The following DLG2 variants were observed in gnomAD, a reference collection of about 807,000 sequenced individuals.
DLG2 encodes the protein discs large MAGUK scaffold protein 2.
DLG2 carries 45 observed loss-of-function variants against 132.5 expected under a neutral mutation model. The observed-to-expected ratio is 0.34, with a 90% CI of 0.27 to 0.44. The LOEUF (loss-of-function observed/expected upper bound fraction) is 0.44. Among genes scored for constraint, DLG2 ranks in the 20% least tolerant of loss-of-function variants. The probability of loss-of-function intolerance (pLI) is 1.00; values close to 1 mark genes in which losing one functional copy is unlikely to be tolerated. For missense variants in DLG2, 1,045 were observed against 1,196.9 expected (o/e 0.87, Z 1.87); for synonymous variants, 424 against 419.6 (o/e 1.01, Z -0.13).
intron 8 of DLG2, among the ~76,000 whole-genome samples, chr11:84,199,732 A>C (rs1369590109): frequency 6.6e-6 from 1 of 152,130 alleles, no homozygotes; most frequent in African/African-American, 2.4e-5. Flanking sequence ...AATATAGGTC[A>C]ATAGAAATTA....
intron 19 of DLG2, among the ~76,000 whole-genome samples, chr11:83,627,727 C>T (rs1033054027): frequency 8.6e-5 from 13 of 152,042 alleles, no homozygotes; most frequent in African/African-American, 2.4e-4. Context: ...GGGTATATAC[C>T]CAGTAATGGG....
intron 7 of DLG2, among the ~76,000 whole-genome samples, chr11:84,313,056 C>T (rs931160291): frequency 4.6e-5 from 7 of 152,066 alleles, no homozygotes; most frequent in South Asian, 2.1e-4. Context: ...CTGATCCACC[C>T]GCCTCAGCTC....
At chr11:85,333,779 T>C (rs2081941552) in intron 3 of DLG2, among the ~76,000 whole-genome samples, 1 of 152,192 alleles carries the variant, frequency 6.6e-6, no homozygotes, top group Non-Finnish European at 1.5e-5. Context: ...GGATAAAGCC[T>C]ACCTGATTGT....
chr11:84,359,015 C>G (rs2098634459), intron 7 of DLG2, among the ~76,000 whole-genome samples: 1 of 151,824 alleles, frequency 6.6e-6, no homozygotes, highest in Non-Finnish European at 1.5e-5. Flanking sequence ...TGTGTGGAGA[C>G]ATGAGCATAT....
At position 84,420,753 on chromosome 11, in the gene DLG2, C is replaced by A. The variant is rs866884440; in HGVS notation, c.519+113817G>T. On this transcript the variant is annotated intron_variant, in intron 7 of 27. Transcript: ENST00000376104. ...GCGGGATCTCGGCTCACTGCAAGCTCCGCCTCCCGGGTTCACGCCATTCTC... is the reference window on the plus strand; with the variant it reads ...GCGGGATCTCGGCTCACTGCAAGCTACGCCTCCCGGGTTCACGCCATTCTC... Among the ~76,000 whole-genome samples the A allele has an allele frequency of 1.4e-4, 20 of 140,878 alleles. 1 individual carries two copies. The highest frequency in any genetic ancestry group is 5.1e-4 in the African/African-American group (20 of 39,414). 92.4% of individuals were successfully genotyped at this position (140,878 alleles called of 152,430 possible). A position where few individuals can be genotyped will look rare whatever the true frequency, so the allele number is the denominator to read the frequency against.
chr11:84,390,288 C>T (rs2098787996), intron 7 of DLG2, among the ~76,000 whole-genome samples: 3 of 152,088 alleles, frequency 2.0e-5, no homozygotes, highest in Admixed American at 2.0e-4. Flanking sequence ...ATAGAGTCCA[C>T]TGGTAATTAT....
intron 6 of DLG2, among the ~76,000 whole-genome samples, chr11:85,046,556 G>T (rs2062367472): frequency 6.6e-6 from 1 of 151,492 alleles, no homozygotes; most frequent in Admixed American, 6.6e-5. Context: ...CCACCAGGAG[G>T]GCACTTTGAC....
chr11:84,866,161 A>T (rs1366117587), intron 6 of DLG2, among the ~76,000 whole-genome samples: 2 of 151,952 alleles, frequency 1.3e-5, no homozygotes, highest in Non-Finnish European at 2.9e-5. Context: ...AAACACATCT[A>T]TTCTGTGCTC....
intron 6 of DLG2, among the ~76,000 whole-genome samples, chr11:84,633,863 A>G (rs1263553718): frequency 1.3e-5 from 2 of 152,182 alleles, no homozygotes; most frequent in Non-Finnish European, 2.9e-5. Flanking sequence ...ACTGAGTGAA[A>G]TAACAAAGGC....
chr11:84,802,116 A>T (rs2075463316), intron 6 of DLG2, among the ~76,000 whole-genome samples: 1 of 151,978 alleles, frequency 6.6e-6, no homozygotes, highest in Non-Finnish European at 1.5e-5. Context: ...AAAAGCAAAA[A>T]AAAAAAAGCA....
In DLG2 at chr11:84,801,461, C is replaced by T. The variant is rs1333758396; in HGVS notation, c.358-266730G>A. ...TGGCGGGCGCCTGTAGTCCCAGCTA[C>T]GCAGGAGGCTGAGGCAGGAGAATGG... On this transcript the variant is annotated intron_variant, in intron 6 of 27. Coordinates refer to ENST00000376104, the MANE Select transcript of DLG2 (RefSeq NM_001142699.3). 2.0e-5 allele frequency among the ~76,000 whole-genome samples: 3 copies of T among 152,270 alleles called. No individual in the cohort carries two copies. In the East Asian group the frequency reaches 5.8e-4, roughly 29 times the overall value.
chr11:85,204,685 C>A (rs1307312614), intron 4 of DLG2, among the ~76,000 whole-genome samples: 2 of 151,436 alleles, frequency 1.3e-5, no homozygotes, highest in African/African-American at 2.4e-5. Flanking sequence ...AAAAAAAAAA[C>A]TCCTAAAATT....
intron 6 of DLG2, among the ~76,000 whole-genome samples, chr11:85,000,374 T>C (rs2058097956): frequency 1.3e-5 from 2 of 152,182 alleles, no homozygotes; most frequent in Admixed American, 6.6e-5. Flanking sequence ...ATTTGCCGAA[T>C]GAATGAAGCA....
intron 6 of DLG2, among the ~76,000 whole-genome samples, chr11:84,782,049 C>A (rs992864155): frequency 6.6e-5 from 10 of 152,216 alleles, no homozygotes; most frequent in African/African-American, 2.4e-4. Context: ...ACAATCTTCA[C>A]TTGACAATAT....
At chr11:83,787,495 A>G (rs890327402) in intron 17 of DLG2, among the ~76,000 whole-genome samples, 7 of 151,058 alleles carry the variant, frequency 4.6e-5, no homozygotes, top group African/African-American at 1.5e-4. Flanking sequence ...CTAATTTTTT[A>G]TATTTTCAGT....
chr11:85,596,842 A>G (rs1295481254), intron 3 of DLG2, among the ~76,000 whole-genome samples: 1 of 152,248 alleles, frequency 6.6e-6, no homozygotes, highest in Non-Finnish European at 1.5e-5. Context: ...CAAACATTCA[A>G]TAATAATAGA....
At chr11:84,609,699 C>CAGAT (rs1317832600) in intron 6 of DLG2, among the ~76,000 whole-genome samples, 1 of 152,102 alleles carries the variant, frequency 6.6e-6, no homozygotes, top group Admixed American at 6.6e-5. Flanking sequence ...ATAGGATTAT[C>CAGAT]AGATTCCCTG....
At chr11:83,579,766 C>G (rs1056744380) in intron 19 of DLG2, among the ~76,000 whole-genome samples, 4 of 151,676 alleles carry the variant, frequency 2.6e-5, no homozygotes, top group Non-Finnish European at 5.9e-5. Context: ...GTCAGGAGAT[C>G]GAGACCATCC....
At chr11:84,098,876 T>G in intron 10 of DLG2, 47 bp downstream of exon 10, 2 of 1,596,086 alleles carry the variant, frequency 1.3e-6, no homozygotes, top group Middle Eastern at 4.0e-4. Context: ...GTCTCATTGA[T>G]GCAGCAGATT....
Sources: allele counts gnomAD v4.1 joint callset (sites outside exome capture counted in the v4.1 genomes callset), GRCh38; gene constraint gnomAD v4.1.1; transcripts MANE v1.5; gene names NCBI Gene and HGNC (gene_info 2026-07-23, HGNC 2026-07-21).